The following DNAJC5B variants were observed in gnomAD, a reference collection of about 807,000 sequenced individuals.
DNAJC5B encodes the protein DnaJ heat shock protein family (Hsp40) member C5 beta.
A neutral mutation model predicts 24.7 loss-of-function variants in DNAJC5B; 23 were observed. That is an observed-to-expected ratio of 0.93 (90% CI 0.67 to 1.32). DNAJC5B has a LOEUF of 1.32. Ranked by LOEUF, DNAJC5B falls within the 40% of genes most tolerant of loss-of-function variation. The probability of loss-of-function intolerance (pLI) is 0.00; values close to 1 mark genes in which losing one functional copy is unlikely to be tolerated. For missense variants in DNAJC5B, 238 were observed against 240.8 expected, an observed-to-expected ratio of 0.99 and a Z score of 0.08; for synonymous variants, 101 against 90.1, an observed-to-expected ratio of 1.12 and a Z score of -0.68.
intron 1 of DNAJC5B, among the ~76,000 whole-genome samples, chr8:66,036,560 C>T (rs1449994062): frequency 1.3e-5 from 2 of 152,108 alleles, no homozygotes; most frequent in Non-Finnish European, 2.9e-5. Context: ...CGGCAGCTCT[C>T]GTCATCTTAG....
intron 3 of DNAJC5B, among the ~76,000 whole-genome samples, chr8:66,053,132 C>A (rs763865915): frequency 5.9e-5 from 9 of 152,094 alleles, no homozygotes; most frequent in Non-Finnish European, 1.0e-4. Context: ...AAGATGGGAT[C>A]TTGCTTTGTT....
chr8:66,024,255 C>A (rs2357657), intron 1 of DNAJC5B, among the ~76,000 whole-genome samples: 71,385 of 152,042 alleles, frequency 0.47, 21,545 homozygotes, highest in African/African-American at 0.86. Context: ...ATAGGCTTTA[C>A]ACAGTTGTTG....
At chr8:66,028,600 G>T (rs1586061258) in intron 1 of DNAJC5B, among the ~76,000 whole-genome samples, 1 of 151,822 alleles carries the variant, frequency 6.6e-6, no homozygotes, top group South Asian at 2.1e-4. Context: ...TTTCTCTGGC[G>T]AGGATCTCAG....
chr8:66,070,012 C>T (rs957641745), intron 3 of DNAJC5B, among the ~76,000 whole-genome samples: 3 of 152,148 alleles, frequency 2.0e-5, no homozygotes, highest in African/African-American at 7.2e-5. Flanking sequence ...TTCAACAGCC[C>T]TTCATGCTAA....
At chr8:66,094,650 A>G (rs989623108) in intron 5 of DNAJC5B, among the ~76,000 whole-genome samples, 3 of 151,982 alleles carry the variant, frequency 2.0e-5, no homozygotes, top group Non-Finnish European at 2.9e-5. Flanking sequence ...AAGTATGTGA[A>G]CCCAGTTTTT....
upstream of DNAJC5B, among the ~76,000 whole-genome samples, chr8:66,019,847 A>G (rs1269705910): frequency 5.3e-5 from 8 of 152,230 alleles, no homozygotes. Context: ...AATATTTTTC[A>G]TATCCATAAT....
At chr8:66,037,465 T>G (rs1806513508) in intron 1 of DNAJC5B, among the ~76,000 whole-genome samples, 2 of 151,798 alleles carry the variant, frequency 1.3e-5, no homozygotes, top group East Asian at 1.9e-4. Flanking sequence ...TTGCCAGAGG[T>G]GGGCAGCAGA....
At chr8:66,016,795 T>A (rs1805965486), upstream of DNAJC5B, among the ~76,000 whole-genome samples, 1 of 152,152 alleles carries the variant, frequency 6.6e-6, no homozygotes, top group South Asian at 2.1e-4. Flanking sequence ...AAGAGACAGA[T>A]TTCTATCATG....
chr8:66,074,654 C>T (rs1485752950), intron 3 of DNAJC5B, among the ~76,000 whole-genome samples: 1 of 152,120 alleles, frequency 6.6e-6, no homozygotes, highest in Non-Finnish European at 1.5e-5. Context: ...GGATAGGTGC[C>T]TATTCTATTT....
chr8:66,093,812 A>C (rs1294856085), intron 5 of DNAJC5B, among the ~76,000 whole-genome samples: 1 of 152,178 alleles, frequency 6.6e-6, no homozygotes, highest in East Asian at 1.9e-4. Context: ...AAACATATAA[A>C]GATGTTCTCC....
chr8:66,036,331 A>C lies in DNAJC5B; in HGVS notation c.-141-7157A>C, dbSNP rs930960094. Among the ~76,000 whole-genome samples the C allele has an allele frequency of 2.6e-5, 4 of 152,322 alleles. No individual in the cohort carries two copies. The East Asian group carries it at 7.7e-4, about 29-fold the overall frequency. On this transcript the variant is annotated intron_variant, in intron 1 of 5. Coordinates refer to ENST00000276570, the MANE Select transcript of DNAJC5B (RefSeq NM_033105.6). ...TTTGTCTTGACCTAGCTGAACAGCG[A>C]ATGGAGTGGAGATCTCAGAATTTCC... is the stretch of plus-strand genomic sequence containing the variant.
chr8:66,066,988 A>G (rs558852912), intron 3 of DNAJC5B, among the ~76,000 whole-genome samples: 1 of 139,278 alleles, frequency 7.2e-6, no homozygotes, highest in South Asian at 2.1e-4. Flanking sequence ...CTAGGGGCCA[A>G]TACACAAAGG....
intron 5 of DNAJC5B, among the ~76,000 whole-genome samples, chr8:66,085,476 G>A (rs1807702100): frequency 6.6e-6 from 1 of 151,936 alleles, no homozygotes; most frequent in South Asian, 2.1e-4. Context: ...GGGAGGCTGA[G>A]GCAGGAGAAT....
intron 3 of DNAJC5B, among the ~76,000 whole-genome samples, chr8:66,064,510 G>T (rs1489710978): frequency 6.6e-6 from 1 of 152,152 alleles, no homozygotes; most frequent in African/African-American, 2.4e-5. Context: ...CTCCTACACC[G>T]CAGTCTTATC....
intron 5 of DNAJC5B, among the ~76,000 whole-genome samples, chr8:66,096,524 G>C (rs530802602): frequency 3.3e-5 from 5 of 152,062 alleles, no homozygotes; most frequent in Admixed American, 6.5e-5. Flanking sequence ...TTCGATTTTT[G>C]ATTTATGATT....
chr8:66,067,451 C>T (rs149254584), intron 3 of DNAJC5B, among the ~76,000 whole-genome samples: 10 of 152,240 alleles, frequency 6.6e-5, no homozygotes, highest in Admixed American at 2.6e-4. Flanking sequence ...TTGACAATTA[C>T]TTTGGTGGTC....
chr8:66,038,202 C>T (rs1360281660), intron 1 of DNAJC5B, among the ~76,000 whole-genome samples: 4 of 152,186 alleles, frequency 2.6e-5, no homozygotes, highest in African/African-American at 9.7e-5. Context: ...CATGATCACA[C>T]CTAACAGGTT....
rs543935695 is a variant in DNAJC5B, at chr8:66,101,086, G to C, written c.*1055G>C. On this transcript the variant is annotated 3_prime_UTR_variant, in exon 6 of 6. Transcript: ENST00000276570. The stretch of plus-strand genomic sequence containing the variant: ...TATAATATTGCATTTTCAAGATCTT[G>C]TTATGTTTTTATATAATATTGTATA... Among the ~76,000 whole-genome samples the C allele has an allele frequency of 6.6e-6, 1 of 151,980 alleles. No homozygotes were observed. The highest frequency in any genetic ancestry group is 1.5e-5 in the Non-Finnish European group (1 of 67,950).
chr8:66,017,660 A>G (rs1165548902), upstream of DNAJC5B, among the ~76,000 whole-genome samples: 2 of 152,208 alleles, frequency 1.3e-5, no homozygotes, highest in African/African-American at 4.8e-5. Flanking sequence ...CCTATTTTGT[A>G]GGTTTAGCTC....
Sources: gnomAD v4.1 joint callset for allele counts (sites outside exome capture counted in the v4.1 genomes callset) on GRCh38, gnomAD v4.1.1 for gene constraint, MANE v1.5 for transcripts, NCBI Gene and HGNC (gene_info 2026-07-23, HGNC 2026-07-21) for gene names.